Variants in LMNA observed in about 807,000 individuals in gnomAD.
LMNA encodes the protein lamin.
Under a neutral mutation model 70.4 loss-of-function variants are expected in LMNA, and 20 were observed. The observed-to-expected ratio is 0.28, with a 90% CI of 0.20 to 0.41. The LOEUF is 0.41. LMNA is among the 10% of genes least tolerant of loss of function. LMNA has a pLI of 1.00. For synonymous variants in LMNA, 339 were observed against 372.8 expected (o/e 0.91, Z 1.04); for missense variants, 652 against 917.2 (o/e 0.71, Z 3.73).
intron 1 of LMNA, among the ~76,000 whole-genome samples, chr1:156,125,065 T>C (rs927695901): frequency 2.0e-5 from 3 of 152,050 alleles, no homozygotes; most frequent in African/African-American, 7.2e-5. Context: ...CCTGTAAAAG[T>C]ATAGGAGTTG....
Position 156,139,556 on chromosome 1 carries a change from G to C in LMNA, c.*450G>C. 7.2e-7 allele frequency: 1 copy of C among 1,384,440 alleles called. No individual in the cohort carries two copies. 85.8% of individuals were successfully genotyped at this position (1,384,440 alleles called of 1,614,324 possible). A position where few individuals can be genotyped will look rare whatever the true frequency, so the allele number is the denominator to read the frequency against. ...GCTTCTCCGCCAGCCTCCTCTGGACGGCAGGCTCACTGCCAGGCCAGCCTC... is the reference window on the plus strand; with the variant it reads ...GCTTCTCCGCCAGCCTCCTCTGGACCGCAGGCTCACTGCCAGGCCAGCCTC... On this transcript the variant is annotated 3_prime_UTR_variant, in exon 12 of 12. Coordinates refer to ENST00000368300, the MANE Select transcript of LMNA (RefSeq NM_170707.4).
intron 1 of LMNA, 115 bp from the exon 2 acceptor site, chr1:156,130,501 TC>T: frequency 1.8e-6 from 2 of 1,124,430 alleles, no homozygotes; most frequent in Non-Finnish European, 2.7e-6. Flanking sequence ...GGATGCCCTC[TC>T]CTGGTAATTG....
At chr1:156,112,435 C>T (rs558210428), upstream of LMNA, among the ~76,000 whole-genome samples, 191 of 152,232 alleles carry the variant, frequency 1.3e-3, no homozygotes, top group Non-Finnish European at 2.5e-3. Context: ...GTTTAGCTTT[C>T]CCAGCCTGGA....
At chr1:156,106,110 G>A (rs1649334756) in intron 3 of LMNA, among the ~76,000 whole-genome samples, 1 of 151,856 alleles carries the variant, frequency 6.6e-6, no homozygotes, top group Admixed American at 6.6e-5. Flanking sequence ...ACTCCAGCCT[G>A]GGAGACACAG....
chr1:156,097,077 G>A (rs1431826040), intron 3 of LMNA, among the ~76,000 whole-genome samples: 1 of 152,212 alleles, frequency 6.6e-6, no homozygotes, highest in African/African-American at 2.4e-5. Flanking sequence ...ATTCTCTTGA[G>A]GACATGAAAT....
At position 156,137,121 on chromosome 1, in the gene LMNA, T is replaced by C. The variant is rs1431212733; in HGVS notation, c.1497T>C (p.Ala499=). 1 of 1,613,886 alleles carries C rather than the reference T, an allele frequency of 6.2e-7. No homozygotes were observed. Among genetic ancestry groups the C allele is most frequent in the Non-Finnish European group, 8.5e-7 (1 of 1,179,884 alleles). The change falls in exon 9 of 12, where the codon GCT becomes GCC. Residue 499 remains alanine, a synonymous_variant. Coordinates refer to ENST00000368300, the MANE Select transcript of LMNA (RefSeq NM_170707.4). This position sits in a 1 kb window ranked among gnomAD's most constrained non-coding sequence, Gnocchi z 4.6. ...CCTTTTCTCCTCTCCAGATCTGGGCTGCAGGAGCTGGGGCCACCCACAGCC... is the reference window on the plus strand; with the variant it reads ...CCTTTTCTCCTCTCCAGATCTGGGCCGCAGGAGCTGGGGCCACCCACAGCC... ...LKAGQVVTIW[A]AGAGATHSPP...
rs1649681412 is a variant in LMNA at position 156,114,782 on chromosome 1, C to A, written c.-137C>A. 1.2e-5 allele frequency: 8 copies of A among 645,414 alleles called. No individual in the cohort carries two copies. The South Asian group carries it at 1.6e-4, about 13-fold the overall frequency. The allele number at this position is 645,414 out of a possible 1,614,324, so 40.0% of individuals were successfully genotyped here. On this transcript the variant is annotated 5_prime_UTR_variant, in exon 1 of 12. Coordinates refer to ENST00000368300, the MANE Select transcript of LMNA (RefSeq NM_170707.4). ...AGGTCCGACAGCGCCCGGCCCAGAT[C>A]CCCACGCCTGCCAGGAGCAAGCCGA...
At position 156,135,969 on chromosome 1, in the gene LMNA, G is replaced by C; in HGVS notation, c.1005G>C (p.Arg335=). The C allele has an allele frequency of 1.2e-6, 2 of 1,614,054 alleles. No individual in the cohort carries two copies. The highest frequency in any genetic ancestry group is 8.5e-7 in the Non-Finnish European group (1 of 1,180,016). ...DSLARERDTS[R]RLLAEKEREM... ...TGGCCCGTGAGCGGGACACCAGCCG[G>C]CGGCTGCTGGCGGAAAAGGAGCGGG... The change falls in exon 6 of 12, where the codon CGG becomes CGC. Residue 335 remains arginine (R), a synonymous_variant. Coordinates refer to ENST00000368300, the MANE Select transcript of LMNA (RefSeq NM_170707.4). This position sits in a 1 kb window ranked among gnomAD's most constrained non-coding sequence, Gnocchi z 4.8.
rs142000963 is a variant in LMNA, at chr1:156,138,719, C to T, written c.1930C>T (p.Arg644Cys). ...GGSFGDNLVT[R>C]SYLLGNSSPR... The stretch of plus-strand genomic sequence containing the variant: ...CAGCTTCGGGGACAATCTGGTCACC[C>T]GCTCCTACCTCCTGGGCAACTCCAG... The change falls in exon 11 of 12, where the codon CGC becomes TGC. Residue 644 changes from arginine to cysteine, a missense_variant. Coordinates refer to ENST00000368300, the MANE Select transcript of LMNA (RefSeq NM_170707.4). The surrounding 1 kb of genome is among the most constrained non-coding windows in gnomAD (Gnocchi z 5.5). 2.0e-3 allele frequency: 3,247 copies of T among 1,613,372 alleles called. 13 individuals carry two copies. Among genetic ancestry groups the T allele is most frequent in the Non-Finnish European group, 2.5e-3 (2,922 of 1,179,976 alleles).
intron 2 of LMNA, among the ~76,000 whole-genome samples, chr1:156,086,526 G>A (rs1459622698): frequency 2.6e-5 from 4 of 152,214 alleles, no homozygotes; most frequent in Non-Finnish European, 4.4e-5. Flanking sequence ...CCAGGCTGCA[G>A]GGCAGGAAAG....
chr1:156,139,464 T>C lies in LMNA; in HGVS notation c.*358T>C. On this transcript the variant is annotated 3_prime_UTR_variant, in exon 12 of 12. Coordinates refer to ENST00000368300, the MANE Select transcript of LMNA (RefSeq NM_170707.4). ...CTTTTATAGAGGCTAGCTTCTGCTT[T>C]TCTGCCCTGGCTGCTGCCCCCACCC... The C allele has an allele frequency of 2.2e-6, 3 of 1,334,358 alleles. No homozygotes were observed. Among genetic ancestry groups the C allele is most frequent in the Non-Finnish European group, 2.9e-6 (3 of 1,044,104 alleles). 82.7% of individuals were successfully genotyped at this position (1,334,358 alleles called of 1,614,324 possible).
At chr1:156,102,390 G>A (rs1360993843) in intron 3 of LMNA, among the ~76,000 whole-genome samples, 1 of 152,154 alleles carries the variant, frequency 6.6e-6, no homozygotes, top group East Asian at 1.9e-4. Context: ...ACCCAGGCAG[G>A]GCAAGGGCAC....
chr1:156,138,478 C>A lies in LMNA; in HGVS notation c.1699-10C>A, dbSNP rs980347866. The A allele has an allele frequency of 2.5e-6, 4 of 1,611,288 alleles. No homozygotes were observed. In the African/African-American group the frequency reaches 4.0e-5, roughly 16 times the overall value. On this transcript the variant is annotated splice_polypyrimidine_tract_variant and intron_variant, in intron 10 of 11. Coordinates refer to ENST00000368300, the MANE Select transcript of LMNA (RefSeq NM_170707.4). The surrounding 1 kb of genome is among the most constrained non-coding windows in gnomAD (Gnocchi z 5.5). ...TCGCCGTCCCGCCTGAGCCTTGTCT[C>A]CCTTCCCAGGGCTCCCACTGCAGCA... is the stretch of plus-strand genomic sequence containing the variant.
rs747663457 is a variant in LMNA, at chr1:156,114,957, G to A, written c.39G>A (p.Gly13=). ...TPSQRRATRS[G]AQASSTPLSP... Reference sequence around the variant, plus strand: ...CCCAGCGGCGCGCCACCCGCAGCGGGGCGCAGGCCAGCTCCACTCCGCTGT... The same window carrying A: ...CCCAGCGGCGCGCCACCCGCAGCGGAGCGCAGGCCAGCTCCACTCCGCTGT... Residue 13 remains glycine, a synonymous_variant, in exon 1 of 12, where the codon GGG becomes GGA. Transcript: ENST00000368300. 1.9e-6 allele frequency: 3 copies of A among 1,579,328 alleles called. No homozygotes were observed. The highest frequency in any genetic ancestry group is 2.6e-6 in the Non-Finnish European group (3 of 1,162,642).
rs1300055803 is a variant in LMNA, at chr1:156,088,191, C to A, written c.-318-2280C>A. On this transcript the variant is annotated intron_variant, in intron 2 of 12. Transcript: ENST00000368301. ...GCCCCAGCCTTTTTTTCCTTAATAACCCTTTCTTGTGGGAAGTCTGTGTTG... is the reference window on the plus strand; with the variant it reads ...GCCCCAGCCTTTTTTTCCTTAATAAACCTTTCTTGTGGGAAGTCTGTGTTG... Among the ~76,000 whole-genome samples, 3 of 152,054 alleles carry A rather than the reference C, an allele frequency of 2.0e-5. No homozygotes were observed. The South Asian group carries it at 6.2e-4, about 32-fold the overall frequency.
intron 1 of LMNA, among the ~76,000 whole-genome samples, chr1:156,116,529 ACTT>A (rs769347741): frequency 6.6e-6 from 1 of 151,916 alleles, no homozygotes; most frequent in Non-Finnish European, 1.5e-5. Context: ...GTTGGCTTTG[ACTT>A]CTTCTCTCTC....
In LMNA at chr1:156,131,133, T is replaced by C. The variant is rs1449652016; in HGVS notation, c.513+360T>C. ...AAAAATACAAAAAATTAGCCTGGCA[T>C]GGTGGCGGGCGCCTGTAGTCCCAAC... is the stretch of plus-strand genomic sequence containing the variant. On this transcript the variant is annotated intron_variant, in intron 2 of 11. Coordinates refer to ENST00000368300, the MANE Select transcript of LMNA (RefSeq NM_170707.4). Among the ~76,000 whole-genome samples, 3 of 152,100 alleles carry C rather than the reference T, an allele frequency of 2.0e-5. No individual in the cohort carries two copies. The East Asian group carries it at 5.8e-4, about 29-fold the overall frequency.
rs1042410970 is a variant in LMNA at position 156,103,427 on chromosome 1, T to C, written c.-206-11286T>C. Among the ~76,000 whole-genome samples the C allele has an allele frequency of 2.0e-5, 3 of 152,062 alleles. No individual in the cohort carries two copies. Among genetic ancestry groups the C allele is most frequent in the African/African-American group, 7.2e-5 (3 of 41,384 alleles). ...CCCTCGCACTTCCTCTGTCTGGGAC[T>C]CCTCTAACAGCTGTGGGGAGGGTGC... is the stretch of plus-strand genomic sequence containing the variant. On this transcript the variant is annotated intron_variant, in intron 3 of 12. Coordinates refer to the LMNA transcript ENST00000368301. This position sits in a 1 kb window ranked among gnomAD's most constrained non-coding sequence, Gnocchi z 4.7.
intron 3 of LMNA, among the ~76,000 whole-genome samples, chr1:156,102,210 G>C (rs940435089): frequency 6.6e-6 from 1 of 152,216 alleles, no homozygotes; most frequent in Non-Finnish European, 1.5e-5. Context: ...CACGGGGGCG[G>C]GACAGTGGAG....
Sources: allele counts gnomAD v4.1 joint callset (sites outside exome capture counted in the v4.1 genomes callset), GRCh38; gene constraint gnomAD v4.1.1; non-coding constraint Gnocchi (gnomAD v3.1); transcripts MANE v1.5; gene names NCBI Gene and HGNC (gene_info 2026-07-23, HGNC 2026-07-21).